SMAD5: variants seen among roughly 807,000 people sequenced by gnomAD.
SMAD5 encodes the protein MAD, mothers against decapentaplegic homolog 5.
SMAD5 carries 9 observed loss-of-function variants against 43.1 expected under a neutral mutation model. The ratio of observed to expected loss-of-function variants is 0.21; its 90% CI spans 0.13 to 0.36. The LOEUF (loss-of-function observed/expected upper bound fraction) is 0.36. Among genes scored for constraint, SMAD5 ranks in the 10% least tolerant of loss-of-function variants. The pLI, the probability that SMAD5 is intolerant of heterozygous loss-of-function variation, is 1.00. For synonymous variants in SMAD5, 190 were observed against 192.4 expected (o/e 0.99, Z 0.10); for missense variants, 348 against 574.0 (o/e 0.61, Z 4.02).
chr5:136,160,445 A>G (rs1216983360), intron 3 of SMAD5, among the ~76,000 whole-genome samples: 1 of 151,908 alleles, frequency 6.6e-6, no homozygotes, highest in Non-Finnish European at 1.5e-5. Context: ...TAGTACTCCC[A>G]TGTGAAATCC....
intron 1 of SMAD5, among the ~76,000 whole-genome samples, chr5:136,139,126 C>CTGTGTGTG (rs33970909): frequency 1.4e-3 from 200 of 139,960 alleles, no homozygotes; most frequent in African/African-American, 2.8e-3. Context: ...TAGCTGTGAG[C>CTGTGTGTG]TCTGTGTGTG....
At chr5:136,155,879 G>GT (rs1753619107) in intron 3 of SMAD5, among the ~76,000 whole-genome samples, 1 of 152,168 alleles carries the variant, frequency 6.6e-6, no homozygotes, top group South Asian at 2.1e-4. Context: ...GTGATGCTCA[G>GT]TAAATTTTTT....
At chr5:136,161,565 T>C (rs1156458417) in intron 4 of SMAD5, among the ~76,000 whole-genome samples, 1 of 152,264 alleles carries the variant, frequency 6.6e-6, no homozygotes, top group Non-Finnish European at 1.5e-5. Context: ...AAGTCTGTGA[T>C]CTTTCACCTT....
chr5:136,162,381 A>G (rs1053810705), intron 4 of SMAD5, among the ~76,000 whole-genome samples: 1 of 152,232 alleles, frequency 6.6e-6, no homozygotes, highest in Non-Finnish European at 1.5e-5. Flanking sequence ...ACACCATTGA[A>G]CAAAACATTA....
chr5:136,154,732 T>G (rs1232901760), intron 3 of SMAD5, among the ~76,000 whole-genome samples: 1 of 152,196 alleles, frequency 6.6e-6, no homozygotes. Flanking sequence ...TTCTTGTGAC[T>G]TCTCTAGTTA....
intron 1 of SMAD5, among the ~76,000 whole-genome samples, chr5:136,136,709 A>G (rs190205089): frequency 1.3e-4 from 20 of 152,084 alleles, no homozygotes; most frequent in Non-Finnish European, 8.8e-5. Context: ...GTTCTGGGCT[A>G]TTTATTTGAG....
intron 5 of SMAD5, among the ~76,000 whole-genome samples, chr5:136,164,166 A>G (rs1040365972): frequency 1.3e-5 from 2 of 152,250 alleles, no homozygotes; most frequent in African/African-American, 4.8e-5. Flanking sequence ...ACTGCACTCC[A>G]GTCTGAGCAA....
intron 3 of SMAD5, among the ~76,000 whole-genome samples, chr5:136,155,489 C>T (rs1319413037): frequency 6.6e-6 from 1 of 152,110 alleles, no homozygotes; most frequent in Admixed American, 6.6e-5. Flanking sequence ...TTGTGTTTTC[C>T]ACACAACAGC....
chr5:136,159,547 A>G (rs1454245946), intron 3 of SMAD5, among the ~76,000 whole-genome samples: 1 of 148,352 alleles, frequency 6.7e-6, no homozygotes, highest in Non-Finnish European at 1.5e-5. Context: ...ACCTCTAAAG[A>G]AAAAAAAAAG....
chr5:136,148,709 G>C (rs1318711956), intron 2 of SMAD5, among the ~76,000 whole-genome samples: 1 of 151,622 alleles, frequency 6.6e-6, no homozygotes, highest in East Asian at 1.9e-4. Flanking sequence ...TGTAAGTGGG[G>C]TAAAATCAAA....
rs1414086627 is a variant in SMAD5, at chr5:136,161,549, ACT to A, written c.655+445_655+446del. 2.0e-5 allele frequency among the ~76,000 whole-genome samples: 3 copies of A among 152,338 alleles called. No homozygotes were observed. In the East Asian group the frequency reaches 5.8e-4, roughly 29 times the overall value. ...AGAGGTTCAGACCCAGGTTTGTCTA[ACT>A]CTAAAGTCTGTGATCTTTCACCTTT... On this transcript the variant is annotated intron_variant, in intron 4 of 7. Transcript: ENST00000545279.
At chr5:136,140,854 C>G (rs1753057690) in intron 1 of SMAD5, among the ~76,000 whole-genome samples, 2 of 151,682 alleles carry the variant, frequency 1.3e-5, no homozygotes, top group Non-Finnish European at 1.5e-5. Context: ...ATTCCCAGCT[C>G]CTAAAATGCT....
intron 2 of SMAD5, among the ~76,000 whole-genome samples, chr5:136,150,392 A>C (rs186928316): frequency 2.0e-5 from 3 of 152,106 alleles, no homozygotes; most frequent in African/African-American, 7.2e-5. Flanking sequence ...AGTTAGTAGA[A>C]AAATCAGTGA....
rs1754605133 is a variant in SMAD5, at chr5:136,180,943, T to G, written c.*3463T>G. The G allele has an allele frequency of 6.6e-6, 1 of 152,130 alleles. No individual in the cohort carries two copies. Among genetic ancestry groups the G allele is most frequent in the African/African-American group, 2.4e-5 (1 of 41,448 alleles). The allele number at this position is 152,130 out of a possible 1,614,324, so 9.4% of individuals were successfully genotyped here. ...TGGGGTTCATGTTAAAAACCTTCCA[T>G]ATTACCTGAGGGTACCTGTGGGGAA... is the stretch of plus-strand genomic sequence containing the variant. On this transcript the variant is annotated 3_prime_UTR_variant, in exon 8 of 8. Transcript: ENST00000545279.
intron 2 of SMAD5, among the ~76,000 whole-genome samples, chr5:136,152,381 T>C (rs1001250566): frequency 8.5e-5 from 13 of 152,204 alleles, no homozygotes; most frequent in African/African-American, 3.1e-4. Context: ...TCAGTTTTAC[T>C]TTACTCTGTG....
At chr5:136,148,624 C>T (rs544968917) in intron 2 of SMAD5, among the ~76,000 whole-genome samples, 1 of 151,882 alleles carries the variant, frequency 6.6e-6, no homozygotes, top group Non-Finnish European at 1.5e-5. Context: ...GCTTGCTGTG[C>T]CCAGAGTAGC....
intron 4 of SMAD5, 123 bp from the exon 5 acceptor site, chr5:136,163,149 C>A: frequency 1.3e-6 from 1 of 762,566 alleles, no homozygotes; most frequent in Non-Finnish European, 2.0e-6. Context: ...TAGTATCCTA[C>A]ATTTTTTTGT....
chr5:136,134,599 ATTCC>A (rs570829260), intron 1 of SMAD5: 270 of 152,346 alleles, frequency 1.8e-3, no homozygotes, highest in African/African-American at 6.3e-3. Flanking sequence ...TTAGTCTTTT[ATTCC>A]TTTGGTAACT....
At chr5:136,173,701 A>G (rs1489551605) in intron 6 of SMAD5, among the ~76,000 whole-genome samples, 2 of 151,626 alleles carry the variant, frequency 1.3e-5, no homozygotes, top group East Asian at 3.9e-4. Flanking sequence ...TTCATGGGTT[A>G]GTTTTGGGGT....
Sources: gnomAD v4.1 joint callset for allele counts (sites outside exome capture counted in the v4.1 genomes callset) on GRCh38, gnomAD v4.1.1 for gene constraint, MANE v1.5 for transcripts, NCBI Gene and HGNC (gene_info 2026-07-23, HGNC 2026-07-21) for gene names.